MYO9B: variants seen among roughly 807,000 people sequenced by gnomAD.
MYO9B encodes the protein myosin IXB.
A neutral mutation model predicts 229.5 loss-of-function variants in MYO9B; 71 were observed. The observed-to-expected ratio is 0.31, with a 90% CI of 0.26 to 0.38. The LOEUF is 0.38. Among genes scored for constraint, MYO9B ranks in the 10% least tolerant of loss-of-function variants. The pLI is 1.00. For missense variants in MYO9B, 2,255 were observed against 2,920.5 expected, an observed-to-expected ratio of 0.77 and a Z score of 5.25; for synonymous variants, 1,185 against 1,235.8, an observed-to-expected ratio of 0.96 and a Z score of 0.86.
At chr19:17,077,903 C>T (rs1417359405) in intron 1 of MYO9B, among the ~76,000 whole-genome samples, 1 of 152,156 alleles carries the variant, frequency 6.6e-6, no homozygotes, top group East Asian at 1.9e-4. Flanking sequence ...GCACATTGCA[C>T]CTATTCCCAA....
intron 2 of MYO9B, among the ~76,000 whole-genome samples, chr19:17,104,000 G>C (rs930729826): frequency 1.5e-4 from 23 of 150,244 alleles, no homozygotes; most frequent in Admixed American, 4.7e-4. Context: ...AGGTTGCAGT[G>C]AGCCAAGATC....
At chr19:17,090,091 G>A (rs975440449) in intron 1 of MYO9B, among the ~76,000 whole-genome samples, 9 of 102,350 alleles carry the variant, frequency 8.8e-5, no homozygotes, top group African/African-American at 3.1e-4. Context: ...TTTCATCCAC[G>A]TTATAGCATG....
intron 28 of MYO9B, 113 bp from the exon 29 acceptor site, chr19:17,202,729 C>A (rs749760561): frequency 5.6e-6 from 6 of 1,069,458 alleles, no homozygotes; most frequent in Non-Finnish European, 5.4e-6. Flanking sequence ...TGATGCCACT[C>A]CAGGTGAGGG....
chr19:17,120,799 G>GAT (rs1389837423), intron 2 of MYO9B, among the ~76,000 whole-genome samples: 39 of 152,108 alleles, frequency 2.6e-4, no homozygotes, highest in African/African-American at 8.5e-4. Context: ...GAGAGAGAGA[G>GAT]AGATATATAA....
At chr19:17,183,740 C>A in intron 15 of MYO9B, 89 bp from the exon 16 acceptor site, 1 of 1,171,920 alleles carries the variant, frequency 8.5e-7, no homozygotes, top group Non-Finnish European at 1.2e-6. Flanking sequence ...GTCTCTCAGT[C>A]TAACCCGCCA....
intron 2 of MYO9B, among the ~76,000 whole-genome samples, chr19:17,117,589 A>G (rs2057917222): frequency 6.6e-6 from 1 of 152,184 alleles, no homozygotes; most frequent in Admixed American, 6.5e-5. Context: ...GGACAGTATC[A>G]TCACCTCTTT....
intron 29 of MYO9B, 64 bp downstream of exon 29, chr19:17,202,947 G>A: frequency 6.5e-7 from 1 of 1,548,856 alleles, no homozygotes; most frequent in East Asian, 2.4e-5. Context: ...ATGCACGTGT[G>A]TGTCAGTGTC....
In MYO9B at chr19:17,171,549, C is replaced by T. The variant is rs148052755; in HGVS notation, c.1794-787C>T. Among the ~76,000 whole-genome samples the T allele has an allele frequency of 1.8e-4, 28 of 152,302 alleles. No homozygotes were observed. The East Asian group carries it at 3.3e-3, about 18-fold the overall frequency. On this transcript the variant is annotated intron_variant, in intron 11 of 39. Transcript: ENST00000682292. ...CCTCCCAGGGGACAGACTTTGCAGA[C>T]GCCACCAAGCCTGGTCAGCGACCTC...
rs768235883 is a variant in MYO9B at position 17,191,146 on chromosome 19, G to A, written c.2738G>A (p.Cys913Tyr). The change falls in exon 20 of 40, where the codon TGC becomes TAC. Residue 913 changes from cysteine to tyrosine, a missense_variant. Cys to Tyr is a radical substitution (Grantham distance 194, BLOSUM62 -2). Transcript: ENST00000682292. ...CTCCTGCCCAAGGATGCCCAGCCCTGCAGGGAGGTCATCTCCACCCTCCTG... is the reference window on the plus strand; with the variant it reads ...CTCCTGCCCAAGGATGCCCAGCCCTACAGGGAGGTCATCTCCACCCTCCTG... ...QVLLPKDAQP[C>Y]REVISTLLEK... 2.5e-6 allele frequency: 4 copies of A among 1,612,664 alleles called. No homozygotes were observed. The South Asian group carries it at 4.4e-5, about 18-fold the overall frequency.
intron 2 of MYO9B, among the ~76,000 whole-genome samples, chr19:17,108,275 C>T (rs1469821533): frequency 1.3e-5 from 2 of 152,234 alleles, no homozygotes; most frequent in African/African-American, 2.4e-5. Flanking sequence ...GCTTCCAAAA[C>T]AGGCTTGAGC....
At chr19:17,198,934 G>A (rs1416176488) in intron 24 of MYO9B, among the ~76,000 whole-genome samples, 1 of 151,990 alleles carries the variant, frequency 6.6e-6, no homozygotes, top group Non-Finnish European at 1.5e-5. Context: ...GATGCAGTAG[G>A]TCACGCCTGT....
At chr19:17,140,566 G>A (rs546068982) in intron 2 of MYO9B, among the ~76,000 whole-genome samples, 43 of 151,686 alleles carry the variant, frequency 2.8e-4, no homozygotes, top group African/African-American at 9.2e-4. Context: ...TCGGCTCACC[G>A]CAACCTCCGC....
chr19:17,207,353 CGA>C, intron 35 of MYO9B, 109 bp downstream of exon 35: 2 of 1,419,082 alleles, frequency 1.4e-6, no homozygotes. Context: ...AGTCCAGAGC[CGA>C]GTGCAGCGGT....
intron 15 of MYO9B, 26 bp downstream of exon 15, chr19:17,181,066 T>TACAAGTGCG (rs1351426241): frequency 6.5e-7 from 1 of 1,531,372 alleles, no homozygotes; most frequent in Non-Finnish European, 9.0e-7. Context: ...AGGCCCTGCT[T>TACAAGTGCG]ACAAGTGCGA....
At chr19:17,100,121 C>G (rs1191159166) in intron 1 of MYO9B, among the ~76,000 whole-genome samples, 1 of 142,020 alleles carries the variant, frequency 7.0e-6, no homozygotes, top group East Asian at 2.0e-4. Flanking sequence ...GAAACTCCAT[C>G]TCAAAAAAAA....
intron 2 of MYO9B, among the ~76,000 whole-genome samples, chr19:17,114,380 C>A (rs79950055): frequency 0.014 from 2,126 of 152,208 alleles, 20 homozygotes; most frequent in Non-Finnish European, 0.018. Flanking sequence ...TGTGCCTCCT[C>A]ACCTCTCACT....
intron 8 of MYO9B, among the ~76,000 whole-genome samples, chr19:17,159,915 C>A (rs2072579488): frequency 6.6e-6 from 1 of 152,196 alleles, no homozygotes; most frequent in Non-Finnish European, 1.5e-5. Flanking sequence ...AATAATGACT[C>A]CTTCATCCCT....
intron 38 of MYO9B, among the ~76,000 whole-genome samples, chr19:17,211,107 G>A (rs552339320): frequency 9.6e-5 from 14 of 145,718 alleles, no homozygotes; most frequent in African/African-American, 2.6e-4. Context: ...CTCAGCCTCC[G>A]AGTAGCTGGG....
intron 1 of MYO9B, among the ~76,000 whole-genome samples, chr19:17,089,758 G>A (rs900825548): frequency 2.6e-5 from 4 of 152,040 alleles, no homozygotes; most frequent in Non-Finnish European, 5.9e-5. Context: ...GCACCGCTCC[G>A]TTTTTTTAAA....
Sources: allele counts gnomAD v4.1 joint callset (sites outside exome capture counted in the v4.1 genomes callset), GRCh38; gene constraint gnomAD v4.1.1; transcripts MANE v1.5; gene names NCBI Gene and HGNC (gene_info 2026-07-23, HGNC 2026-07-21).